The following RTKN2 variants were observed in gnomAD, a reference collection of about 807,000 sequenced individuals.
RTKN2 encodes rhotekin 2, also known as rhotekin-2.
Under a neutral mutation model 71.5 loss-of-function variants are expected in RTKN2, and 69 were observed. The observed-to-expected ratio is 0.96, with a 90% CI of 0.79 to 1.18. The LOEUF (loss-of-function observed/expected upper bound fraction) is 1.18, where lower values mean the gene tolerates loss of function less well. Among genes scored for constraint, RTKN2 ranks in the 50% most tolerant of loss-of-function variants. RTKN2 has a pLI of 0.00. For missense variants in RTKN2, 724 were observed against 719.7 expected (o/e 1.01, Z -0.07); for synonymous variants, 236 against 236.5 (o/e 1.00, Z 0.02).
At chr10:62,210,323 T>C (rs1034546347) in intron 9 of RTKN2, among the ~76,000 whole-genome samples, 3 of 152,204 alleles carry the variant, frequency 2.0e-5, no homozygotes, top group Admixed American at 2.0e-4. Flanking sequence ...AGTAAAATGA[T>C]ATGGTCTCTA....
chr10:62,231,432 A>C (rs1050216327), intron 6 of RTKN2, among the ~76,000 whole-genome samples: 5 of 152,194 alleles, frequency 3.3e-5, no homozygotes, highest in African/African-American at 1.2e-4. Context: ...CTTCTTTCAG[A>C]TCAAACAATA....
rs1477140322 is a variant in RTKN2, at chr10:62,193,627, C to CT, written c.*4280dup. On this transcript the variant is annotated 3_prime_UTR_variant, in exon 12 of 12. Coordinates refer to ENST00000373789, the MANE Select transcript of RTKN2 (RefSeq NM_145307.4). ...GGATTGCTCATTTCTCTCCCCCACT[C>CT]TGAGGCGCTCTGCAGGAATAAAGTA... The CT allele has an allele frequency of 2.0e-6, 2 of 985,220 alleles. No homozygotes were observed. The highest frequency in any genetic ancestry group is 2.4e-6 in the Non-Finnish European group (2 of 829,906). The allele number at this position is 985,220 out of a possible 1,614,324, so 61.0% of individuals were successfully genotyped here.
Position 62,236,054 on chromosome 10 carries a change from T to C in RTKN2, c.686+12A>G. 1 of 1,567,014 alleles carries C rather than the reference T, an allele frequency of 6.4e-7. No individual in the cohort carries two copies. The highest frequency in any genetic ancestry group is 8.8e-7 in the Non-Finnish European group (1 of 1,138,756). ...TAATTATGTCACCATAAATACAGTA[T>C]TAAAAACTTACAAAACAGCAGAGCT... On this transcript the variant is annotated intron_variant, in intron 6 of 11. Transcript: ENST00000373789.
chr10:62,230,534 C>G (rs1842127025), intron 6 of RTKN2, among the ~76,000 whole-genome samples: 1 of 152,110 alleles, frequency 6.6e-6, no homozygotes. Flanking sequence ...TGAAAACCAC[C>G]CCTAGGAATC....
chr10:62,185,931 A>G (rs1841128145), intron 8 of RTKN2, among the ~76,000 whole-genome samples: 1 of 152,228 alleles, frequency 6.6e-6, no homozygotes, highest in Non-Finnish European at 1.5e-5. Context: ...GGTTTTATAT[A>G]TAACCTCTTA....
chr10:62,187,995 C>A (rs1321500018), intron 8 of RTKN2, among the ~76,000 whole-genome samples: 1 of 152,206 alleles, frequency 6.6e-6, no homozygotes, highest in African/African-American at 2.4e-5. Flanking sequence ...TCTCAGTAAT[C>A]CCTAACCATA....
intron 6 of RTKN2, among the ~76,000 whole-genome samples, chr10:62,227,715 G>A (rs1025799123): frequency 6.6e-6 from 1 of 152,176 alleles, no homozygotes; most frequent in Non-Finnish European, 1.5e-5. Flanking sequence ...GTGGAGAACA[G>A]ACTACAGAGG....
chr10:62,220,877 G>A (rs1841890447), intron 7 of RTKN2, among the ~76,000 whole-genome samples: 1 of 151,868 alleles, frequency 6.6e-6, no homozygotes, highest in African/African-American at 2.4e-5. Context: ...AAAAATGTTG[G>A]AATTATATGT....
In RTKN2 at chr10:62,223,231, T is replaced by C; in HGVS notation, c.781+7A>G. ...TATGTAATAAGTAAAATATATACTG[T>C]ACTTACCATTTCCATTAATAGACAG... On this transcript the variant is annotated splice_region_variant and intron_variant, in intron 7 of 11. Transcript: ENST00000373789. 6.7e-7 allele frequency: 1 copy of C among 1,503,386 alleles called. No homozygotes were observed. The highest frequency in any genetic ancestry group is 9.3e-7 in the Non-Finnish European group (1 of 1,079,688). The allele number at this position is 1,503,386 out of a possible 1,614,324, so 93.1% of individuals were successfully genotyped here.
In RTKN2 at chr10:62,217,111, C is replaced by T; in HGVS notation, c.1020+7G>A. 1 of 1,560,250 alleles carries T rather than the reference C, an allele frequency of 6.4e-7. No homozygotes were observed. Among genetic ancestry groups the T allele is most frequent in the Non-Finnish European group, 8.6e-7 (1 of 1,158,376 alleles). On this transcript the variant is annotated splice_region_variant and intron_variant, in intron 9 of 11. Coordinates refer to ENST00000373789, the MANE Select transcript of RTKN2 (RefSeq NM_145307.4). ...ATATTTTTTTCTCAAAATAGCATTT[C>T]CTTTACCTTGTTAATGGGTACTACC...
At chr10:62,201,893 A>G (rs1006903587) in intron 10 of RTKN2, among the ~76,000 whole-genome samples, 1 of 152,180 alleles carries the variant, frequency 6.6e-6, no homozygotes, top group African/African-American at 2.4e-5. Flanking sequence ...ACATGAAAAC[A>G]AGGGCGCAAT....
chr10:62,214,882 A>C (rs1841734726), intron 9 of RTKN2: 2 of 463,582 alleles, frequency 4.3e-6, no homozygotes, highest in Non-Finnish European at 7.6e-6. Flanking sequence ...ATTTTTATCT[A>C]TTTTTTCCTA....
intron 1 of RTKN2, among the ~76,000 whole-genome samples, chr10:62,266,337 C>T (rs1443002343): frequency 2.0e-5 from 3 of 152,098 alleles, no homozygotes; most frequent in African/African-American, 4.8e-5. Flanking sequence ...GTTGAACTCC[C>T]GGTAAGACAA....
chr10:62,184,874 G>C (rs1564492002), intron 8 of RTKN2, among the ~76,000 whole-genome samples: 1 of 152,166 alleles, frequency 6.6e-6, no homozygotes, highest in East Asian at 1.9e-4. Flanking sequence ...AGTTACTGAA[G>C]AGTAAATAGA....
At chr10:62,258,696 T>G (rs1842718202) in intron 2 of RTKN2, among the ~76,000 whole-genome samples, 1 of 152,142 alleles carries the variant, frequency 6.6e-6, no homozygotes. Context: ...AATTCAATAA[T>G]TAAGAGAAAC....
intron 2 of RTKN2, among the ~76,000 whole-genome samples, chr10:62,255,788 C>T (rs1332967414): frequency 6.6e-6 from 1 of 152,156 alleles, no homozygotes; most frequent in Non-Finnish European, 1.5e-5. Context: ...TTAAACTCAG[C>T]ATTACCTGGT....
At chr10:62,206,225 T>A (rs1194770365) in intron 9 of RTKN2, among the ~76,000 whole-genome samples, 2 of 152,110 alleles carry the variant, frequency 1.3e-5, no homozygotes, top group Admixed American at 1.3e-4. Flanking sequence ...TTCAAGAGAA[T>A]CATGGTTAAG....
chr10:62,259,286 T>G, intron 2 of RTKN2: 1 of 347,192 alleles, frequency 2.9e-6, no homozygotes, highest in South Asian at 2.0e-5. Context: ...TAATACTCAG[T>G]CTCGGGTATA....
At chr10:62,224,308 G>C (rs1841973454) in intron 6 of RTKN2, among the ~76,000 whole-genome samples, 1 of 146,832 alleles carries the variant, frequency 6.8e-6, no homozygotes, top group African/African-American at 2.5e-5. Context: ...GCCTCTGAAT[G>C]TATATTCAAG....
Sources: allele counts gnomAD v4.1 joint callset (sites outside exome capture counted in the v4.1 genomes callset), GRCh38; gene constraint gnomAD v4.1.1; transcripts MANE v1.5; gene names NCBI Gene and HGNC (gene_info 2026-07-23, HGNC 2026-07-21).